FRAS1: variants seen among roughly 807,000 people sequenced by gnomAD.
The protein encoded by FRAS1 is extracellular matrix organizing protein FRAS1.
Under a neutral mutation model 435.2 loss-of-function variants are expected in FRAS1, and 290 were observed. The observed-to-expected ratio is 0.67, with a 90% confidence interval of 0.61 to 0.73. The LOEUF (loss-of-function observed/expected upper bound fraction) is 0.73, where lower values mean the gene tolerates loss of function less well. Among genes scored for constraint, FRAS1 ranks in the 30% least tolerant of loss-of-function variants. The pLI is 0.00. For missense variants in FRAS1, 4,860 were observed against 5,001.5 expected (o/e 0.97, Z 0.85); for synonymous variants, 1,800 against 1,851.0 (o/e 0.97, Z 0.71).
intron 28 of FRAS1, among the ~76,000 whole-genome samples, chr4:78,385,425 A>G (rs1007715432): frequency 2.0e-5 from 3 of 152,198 alleles, no homozygotes; most frequent in Admixed American, 6.5e-5. Flanking sequence ...ATGGATAACA[A>G]CATAGACTTG....
chr4:78,275,219 A>T (rs1237758111), intron 9 of FRAS1, among the ~76,000 whole-genome samples: 5 of 152,274 alleles, frequency 3.3e-5, no homozygotes, highest in African/African-American at 1.2e-4. Flanking sequence ...TCTGCACATG[A>T]GATGGGTCTC....
chr4:78,196,924 G>A (rs1722837063), intron 2 of FRAS1, among the ~76,000 whole-genome samples: 1 of 152,122 alleles, frequency 6.6e-6, no homozygotes, highest in South Asian at 2.1e-4. Context: ...CTGAAGTTGA[G>A]AATGAGCAAA....
At position 78,267,263 on chromosome 4, in the gene FRAS1, A is replaced by T. The variant is rs771425772; in HGVS notation, c.812A>T (p.His271Leu). 10 of 1,613,584 alleles carry T rather than the reference A, an allele frequency of 6.2e-6. No individual in the cohort carries two copies. The highest frequency in any genetic ancestry group is 8.5e-6 in the Non-Finnish European group (10 of 1,179,810). Residue 271 changes from histidine to leucine, a missense_variant, in exon 9 of 74, where the codon CAT becomes CTT. By Grantham distance (99) the His-to-Leu change is moderately conservative. Transcript: ENST00000512123. The part of the protein sequence containing the change: ...CGKGQSRARR[H>L]GQCCEECVSP... ...TAGGGTCAGAGCAGGGCTCGGCGTC[A>T]TGGGCAATGCTGTGAGGAATGTGTG...
chr4:78,338,745 G>A (rs1443999276), intron 20 of FRAS1, among the ~76,000 whole-genome samples: 2 of 152,166 alleles, frequency 1.3e-5, no homozygotes, highest in Non-Finnish European at 2.9e-5. Context: ...TATCCAGCAG[G>A]CACATTCAGT....
chr4:78,073,620 T>C (rs1740474878), intron 2 of FRAS1, among the ~76,000 whole-genome samples: 1 of 152,228 alleles, frequency 6.6e-6, no homozygotes, highest in African/African-American at 2.4e-5. Context: ...TGTATATATG[T>C]ATAAATCCCC....
intron 2 of FRAS1, among the ~76,000 whole-genome samples, chr4:78,169,359 G>A (rs767513906): frequency 1.3e-5 from 2 of 151,984 alleles, no homozygotes; most frequent in Non-Finnish European, 2.9e-5. Context: ...ATGGGCTGGC[G>A]CAGGGGATGG....
At chr4:78,252,656 C>G in intron 5 of FRAS1, 105 bp downstream of exon 5, 2 of 1,132,166 alleles carry the variant, frequency 1.8e-6, no homozygotes, top group Non-Finnish European at 2.5e-6. Flanking sequence ...TCTATTTTCC[C>G]TAAATGTTGG....
intron 2 of FRAS1, among the ~76,000 whole-genome samples, chr4:78,092,066 C>A (rs146009068): frequency 6.6e-6 from 1 of 151,236 alleles, no homozygotes; most frequent in African/African-American, 2.4e-5. Context: ...GTAAGACCTT[C>A]CCTGGCTGGT....
intron 2 of FRAS1, among the ~76,000 whole-genome samples, chr4:78,216,149 A>G (rs1723758981): frequency 6.6e-6 from 1 of 152,236 alleles, no homozygotes; most frequent in Admixed American, 6.5e-5. Flanking sequence ...CTTATTAATC[A>G]GTGAATGAAT....
Position 78,318,977 on chromosome 4 carries a change from A to T in FRAS1, c.2128A>T (p.Ile710Leu), listed in dbSNP as rs345512. The change falls in exon 18 of 74, where the codon ATA (isoleucine) becomes TTA (leucine). Residue 710 changes from isoleucine (I) to leucine (L), a missense_variant. Physicochemically the swap from Ile to Leu is conservative, Grantham distance 5 (BLOSUM62 2). Transcript: ENST00000512123. The part of the protein sequence containing the change: ...RAHFYLESTG[I>L]CEACHQSCFR... Reference sequence around the variant, plus strand: ...CCATTTTTACTTGGAGAGCACTGGCATATGTGAAGGTAAGCATGATTTGAG... The same window carrying T: ...CCATTTTTACTTGGAGAGCACTGGCTTATGTGAAGGTAAGCATGATTTGAG... 6.2e-6 allele frequency: 10 copies of T among 1,613,724 alleles called. No individual in the cohort carries two copies. Among genetic ancestry groups the T allele is most frequent in the Admixed American group, 1.7e-5 (1 of 60,000 alleles).
intron 2 of FRAS1, among the ~76,000 whole-genome samples, chr4:78,122,714 T>C (rs1238392340): frequency 6.6e-6 from 1 of 152,232 alleles, no homozygotes; most frequent in Non-Finnish European, 1.5e-5. Flanking sequence ...GATTTGCATT[T>C]TTCTAATGAC....
chr4:78,451,991 A>C (rs770926034), intron 46 of FRAS1, 100 bp downstream of exon 46: 2 of 1,339,160 alleles, frequency 1.5e-6, no homozygotes, highest in Non-Finnish European at 2.0e-6. Context: ...CCTTCCCTTT[A>C]CCTAGCTGGT....
intron 47 of FRAS1, among the ~76,000 whole-genome samples, chr4:78,459,953 C>G (rs535411394): frequency 3.2e-4 from 49 of 152,338 alleles, no homozygotes; most frequent in Middle Eastern, 3.4e-3. Context: ...TACAATTACA[C>G]TATTTCCAGA....
intron 2 of FRAS1, among the ~76,000 whole-genome samples, chr4:78,141,449 C>T (rs565983901): frequency 6.6e-6 from 1 of 152,196 alleles, no homozygotes; most frequent in East Asian, 1.9e-4. Flanking sequence ...TTTGAACCAA[C>T]TCTCCCACTA....
At chr4:78,081,212 T>C (rs1050470647) in intron 2 of FRAS1, among the ~76,000 whole-genome samples, 3 of 152,142 alleles carry the variant, frequency 2.0e-5, no homozygotes, top group Admixed American at 6.5e-5. Context: ...AGGGAGAATA[T>C]TGGCCTCGTG....
At chr4:78,540,270 A>G (rs1722006857) in intron 73 of FRAS1, among the ~76,000 whole-genome samples, 1 of 152,238 alleles carries the variant, frequency 6.6e-6, no homozygotes, top group African/African-American at 2.4e-5. Flanking sequence ...ACCATGAAAG[A>G]TAATTTCTTA....
At chr4:78,086,408 C>T (rs1285050193) in intron 2 of FRAS1, among the ~76,000 whole-genome samples, 3 of 151,910 alleles carry the variant, frequency 2.0e-5, no homozygotes, top group Non-Finnish European at 4.4e-5. Flanking sequence ...TAGCAGAAGG[C>T]AAGAAATAAC....
At chr4:78,079,900 G>C (rs1176721846) in intron 2 of FRAS1, among the ~76,000 whole-genome samples, 1 of 152,180 alleles carries the variant, frequency 6.6e-6, no homozygotes, top group Non-Finnish European at 1.5e-5. Context: ...TGGCCAAAGA[G>C]AAAGCAGCAG....
At chr4:78,166,246 T>G (rs1721326470) in intron 2 of FRAS1, among the ~76,000 whole-genome samples, 1 of 152,120 alleles carries the variant, frequency 6.6e-6, no homozygotes, top group South Asian at 2.1e-4. Flanking sequence ...GCTGGCAACA[T>G]GGTTAAAGCA....
Sources: gnomAD v4.1 joint callset for allele counts (sites outside exome capture counted in the v4.1 genomes callset) on GRCh38, gnomAD v4.1.1 for gene constraint, MANE v1.5 for transcripts, NCBI Gene and HGNC (gene_info 2026-07-23, HGNC 2026-07-21) for gene names.